COX16: variants seen among roughly 807,000 people sequenced by gnomAD.
The protein encoded by COX16 is cytochrome c oxidase assembly protein COX16 homolog, mitochondrial.
A neutral mutation model predicts 15.4 loss-of-function variants in COX16; 12 were observed. The observed-to-expected ratio is 0.78, with a 90% CI of 0.50 to 1.26. The LOEUF (loss-of-function observed/expected upper bound fraction) is 1.26. Among genes scored for constraint, COX16 ranks in the 50% most tolerant of loss-of-function variants. The probability of loss-of-function intolerance (pLI) is 0.00; values close to 1 mark genes in which losing one functional copy is unlikely to be tolerated. For synonymous variants in COX16, 46 were observed against 41.1 expected, an observed-to-expected ratio of 1.12 and a Z score of -0.46; for missense variants, 124 against 127.6, an observed-to-expected ratio of 0.97 and a Z score of 0.14.
At chr14:70,333,145 A>G (rs1886343919) in intron 2 of COX16, among the ~76,000 whole-genome samples, 1 of 152,204 alleles carries the variant, frequency 6.6e-6, no homozygotes, top group Non-Finnish European at 1.5e-5. Flanking sequence ...TAAGATAAAT[A>G]CAGAGGCTCT....
At chr14:70,353,032 G>A (rs1887008395) in intron 1 of COX16, among the ~76,000 whole-genome samples, 2 of 151,984 alleles carry the variant, frequency 1.3e-5, no homozygotes, top group African/African-American at 4.8e-5. Context: ...GGAGGCCAAG[G>A]CGGGAGAATC....
intron 1 of COX16, chr14:70,359,085 T>C (rs944654658): frequency 2.4e-6 from 1 of 413,830 alleles, no homozygotes; most frequent in South Asian, 1.8e-5. Context: ...TTAAATGGAA[T>C]ACATCTAGTC....
At chr14:70,349,758 C>T (rs35671518) in intron 1 of COX16, among the ~76,000 whole-genome samples, 71,627 of 151,976 alleles carry the variant, frequency 0.47, 17,534 homozygotes, top group South Asian at 0.55. Context: ...TTGGGGCCTC[C>T]ACCCTTACCA....
intron 1 of COX16, among the ~76,000 whole-genome samples, chr14:70,346,200 A>G (rs1886775711): frequency 6.6e-6 from 1 of 152,204 alleles, no homozygotes; most frequent in Non-Finnish European, 1.5e-5. Context: ...CAAGCTTCAG[A>G]AGCTTGATGA....
At chr14:70,338,262 A>G (rs1177902121) in intron 2 of COX16, among the ~76,000 whole-genome samples, 1 of 152,132 alleles carries the variant, frequency 6.6e-6, no homozygotes, top group Admixed American at 6.5e-5. Context: ...GCGGGCACGC[A>G]CCACCACGCC....
intron 3 of COX16, among the ~76,000 whole-genome samples, chr14:70,327,403 A>G (rs1480796677): frequency 6.6e-6 from 1 of 152,200 alleles, no homozygotes; most frequent in Non-Finnish European, 1.5e-5. Context: ...ACTAGAAGGA[A>G]AATCTACTCC....
At chr14:70,345,098 C>A (rs1014186925) in intron 1 of COX16, among the ~76,000 whole-genome samples, 1 of 152,236 alleles carries the variant, frequency 6.6e-6, no homozygotes, top group East Asian at 1.9e-4. Context: ...TACCCCTCCA[C>A]CCCAGACAGC....
chr14:70,332,792 C>T (rs1413716446), intron 2 of COX16, among the ~76,000 whole-genome samples: 1 of 152,240 alleles, frequency 6.6e-6, no homozygotes, highest in Non-Finnish European at 1.5e-5. Flanking sequence ...ACTCCAGTCC[C>T]TTTTGCTACA....
intron 3 of COX16, among the ~76,000 whole-genome samples, chr14:70,328,705 T>A (rs568825655): frequency 1.8e-3 from 270 of 152,330 alleles, no homozygotes; most frequent in Non-Finnish European, 3.0e-3. Flanking sequence ...CTTTTTCACA[T>A]TGATTTGGAG....
intron 1 of COX16, among the ~76,000 whole-genome samples, chr14:70,349,747 C>G (rs779893266): frequency 3.5e-4 from 53 of 152,282 alleles, no homozygotes; most frequent in Non-Finnish European, 4.4e-4. Flanking sequence ...GAACTTTTGT[C>G]TTGGGGCCTC....
At chr14:70,328,072 A>ATTTTTTTTTTTTTTTTTGTTTT (rs1886144135) in intron 3 of COX16, 1 of 80,840 alleles carries the variant, frequency 1.2e-5, no homozygotes, top group African/African-American at 5.0e-5. Flanking sequence ...TGAGAATAAG[A>ATTTTTTTTTTTTTTTTTGTTTT]TTTTTTTTTT....
intron 2 of COX16, among the ~76,000 whole-genome samples, chr14:70,340,501 C>T (rs776877818): frequency 2.7e-4 from 41 of 152,328 alleles, no homozygotes; most frequent in Non-Finnish European, 4.0e-4. Flanking sequence ...GTATTACATA[C>T]ATTAGTCATC....
chr14:70,342,564 A>C, intron 2 of COX16, 94 bp downstream of exon 2: 1 of 1,204,148 alleles, frequency 8.3e-7, no homozygotes, highest in Non-Finnish European at 1.1e-6. Context: ...AAGCAAGACA[A>C]ACTCAGACTA....
At chr14:70,341,698 G>A (rs556479521) in intron 2 of COX16, among the ~76,000 whole-genome samples, 5 of 152,152 alleles carry the variant, frequency 3.3e-5, no homozygotes, top group African/African-American at 7.2e-5. Context: ...AAATAAAGAC[G>A]ATAACATATA....
chr14:70,339,534 C>T (rs1389373405), intron 2 of COX16, among the ~76,000 whole-genome samples: 2 of 152,186 alleles, frequency 1.3e-5, no homozygotes, highest in Admixed American at 1.3e-4. Flanking sequence ...AACCCATCCT[C>T]TCTTGATCCA....
chr14:70,334,821 A>C (rs1886400332), intron 2 of COX16, among the ~76,000 whole-genome samples: 1 of 152,252 alleles, frequency 6.6e-6, no homozygotes, highest in Non-Finnish European at 1.5e-5. Flanking sequence ...CTAGAAAACA[A>C]GCAACAAAAT....
At chr14:70,357,166 A>C (rs1239249597) in intron 1 of COX16, among the ~76,000 whole-genome samples, 11 of 142,806 alleles carry the variant, frequency 7.7e-5, no homozygotes, top group South Asian at 2.7e-4. Flanking sequence ...GTCAAAAAAA[A>C]AAAAAAAAAA....
chr14:70,352,041 A>C (rs1387085832), intron 1 of COX16, among the ~76,000 whole-genome samples: 2 of 152,170 alleles, frequency 1.3e-5, no homozygotes, highest in Non-Finnish European at 2.9e-5. Context: ...AGATTACTGC[A>C]TACTGGGAAG....
At chr14:70,355,598 G>A (rs980893891) in intron 1 of COX16, among the ~76,000 whole-genome samples, 1 of 152,158 alleles carries the variant, frequency 6.6e-6, no homozygotes, top group African/African-American at 2.4e-5. Context: ...AAATATTATA[G>A]TAGGCTACTG....
Sources: gnomAD v4.1 joint callset for allele counts (sites outside exome capture counted in the v4.1 genomes callset) on GRCh38, gnomAD v4.1.1 for gene constraint, MANE v1.5 for transcripts, NCBI Gene and HGNC (gene_info 2026-07-23, HGNC 2026-07-21) for gene names.